EXT1: variants seen among roughly 807,000 people sequenced by gnomAD.
EXT1 encodes the protein exostosin glycosyltransferase 1, also known as exostosin-1.
In EXT1, 20 loss-of-function variants were observed where a neutral mutation model predicts 82.5. The observed-to-expected ratio is 0.24, with a 90% CI of 0.17 to 0.35. The LOEUF is 0.35. Ranked by LOEUF, EXT1 falls within the 10% of genes least tolerant of loss-of-function variation. The pLI is 1.00. For missense variants in EXT1, 757 were observed against 936.5 expected, an observed-to-expected ratio of 0.81 and a Z score of 2.50; for synonymous variants, 348 against 350.8, an observed-to-expected ratio of 0.99 and a Z score of 0.09.
chr8:117,957,683 G>A (rs1001964431), intron 1 of EXT1, among the ~76,000 whole-genome samples: 2 of 152,168 alleles, frequency 1.3e-5, no homozygotes, highest in African/African-American at 4.8e-5. Flanking sequence ...TACACACCCA[G>A]CACAATCATT....
At chr8:117,807,876 A>C (rs1823262235) in intron 8 of EXT1, among the ~76,000 whole-genome samples, 1 of 152,154 alleles carries the variant, frequency 6.6e-6, no homozygotes, top group South Asian at 2.1e-4. Context: ...TAAAAAAAAA[A>C]CACCACAAGT....
At chr8:118,098,086 G>A (rs1380446154) in intron 1 of EXT1, among the ~76,000 whole-genome samples, 1 of 152,076 alleles carries the variant, frequency 6.6e-6, no homozygotes, top group Non-Finnish European at 1.5e-5. Context: ...GCCTGCCTTA[G>A]TAACATGTGA....
intron 1 of EXT1, among the ~76,000 whole-genome samples, chr8:117,856,421 A>C (rs1812559864): frequency 2.5e-5 from 3 of 120,000 alleles, no homozygotes; most frequent in Non-Finnish European, 1.6e-5. Flanking sequence ...CGCCTGGCTA[A>C]ATTTTTTTTT....
chr8:117,960,154 T>C (rs1814671677), intron 1 of EXT1, among the ~76,000 whole-genome samples: 2 of 152,160 alleles, frequency 1.3e-5, no homozygotes, highest in Non-Finnish European at 2.9e-5. Context: ...GAGGTTGCAG[T>C]GAGCCAAGAT....
chr8:117,822,892 G>C (rs1393390545), intron 4 of EXT1, among the ~76,000 whole-genome samples: 1 of 152,114 alleles, frequency 6.6e-6, no homozygotes, highest in African/African-American at 2.4e-5. Flanking sequence ...TTCCAAAATA[G>C]ACTGTGTGGA....
intron 8 of EXT1, among the ~76,000 whole-genome samples, chr8:117,811,288 G>C (rs1225327118): frequency 6.6e-6 from 1 of 152,174 alleles, no homozygotes; most frequent in Non-Finnish European, 1.5e-5. Flanking sequence ...TTCCCTTGCA[G>C]AAAGTGGCAG....
intron 1 of EXT1, among the ~76,000 whole-genome samples, chr8:117,885,523 A>AATCT (rs2129930106): frequency 6.6e-6 from 1 of 151,708 alleles, no homozygotes; most frequent in East Asian, 1.9e-4. Flanking sequence ...GAAAGAAAGA[A>AATCT]ATCTAGAATG....
intron 1 of EXT1, among the ~76,000 whole-genome samples, chr8:117,932,386 T>C (rs1391503737): frequency 1.3e-5 from 2 of 152,284 alleles, no homozygotes; most frequent in African/African-American, 2.4e-5. Context: ...AAGACTAGTT[T>C]TGAGGAATTA....
At chr8:118,082,034 T>C (rs1219446108) in intron 1 of EXT1, among the ~76,000 whole-genome samples, 1 of 152,122 alleles carries the variant, frequency 6.6e-6, no homozygotes, top group Non-Finnish European at 1.5e-5. Context: ...ATTAACAGTA[T>C]AAAAACGATC....
chr8:117,977,041 A>G (rs61306907), intron 1 of EXT1, among the ~76,000 whole-genome samples: 3,000 of 152,190 alleles, frequency 0.02, 117 homozygotes, highest in African/African-American at 0.069. Context: ...TTACTACATA[A>G]TATGTTAAGG....
chr8:117,876,959 T>C (rs376798457), intron 1 of EXT1, among the ~76,000 whole-genome samples: 6 of 152,032 alleles, frequency 3.9e-5, no homozygotes, highest in Admixed American at 2.6e-4. Context: ...AAGGATGACA[T>C]TGAAATAAGA....
rs374950472 is a variant in EXT1 at position 117,939,757 on chromosome 8, T to C, written c.963-102556A>G. ...TCTTTCTTGTGGTGCATATCCTTTA[T>C]TCCTTTCATTATTCTGAGTTGTGCA... On this transcript the variant is annotated intron_variant, in intron 1 of 10. Coordinates refer to ENST00000378204, the MANE Select transcript of EXT1 (RefSeq NM_000127.3). 3.9e-5 allele frequency among the ~76,000 whole-genome samples: 6 copies of C among 152,350 alleles called. No individual in the cohort carries two copies. In the East Asian group the frequency reaches 5.8e-4, roughly 15 times the overall value.
In EXT1 at chr8:117,915,688, C is replaced by T. The variant is rs547698302; in HGVS notation, c.963-78487G>A. 3.9e-5 allele frequency among the ~76,000 whole-genome samples: 6 copies of T among 152,228 alleles called. No individual in the cohort carries two copies. The South Asian group carries it at 1.2e-3, about 32-fold the overall frequency. On this transcript the variant is annotated intron_variant, in intron 1 of 10. Coordinates refer to ENST00000378204, the MANE Select transcript of EXT1 (RefSeq NM_000127.3). ...TAACCAACATGGCAAAACCCTGTCT[C>T]TGCTAAAAATACAGAAAGTTAGCCG...
At position 117,811,098 on chromosome 8, in the gene EXT1, C is replaced by G. The variant is rs185779590; in HGVS notation, c.1722+1774G>C. Among the ~76,000 whole-genome samples the G allele has an allele frequency of 7.1e-4, 108 of 152,232 alleles. 1 individual carries two copies. The highest frequency in any genetic ancestry group is 2.5e-3 in the African/African-American group (105 of 41,548). ...CATTCTCTCTTATGGGGTCTTTTAA[C>G]CCCATCTACACCTCCCTAAGGAATC... On this transcript the variant is annotated intron_variant, in intron 8 of 10. Coordinates refer to ENST00000378204, the MANE Select transcript of EXT1 (RefSeq NM_000127.3).
At chr8:117,948,536 C>T (rs1044812193) in intron 1 of EXT1, among the ~76,000 whole-genome samples, 2 of 152,166 alleles carry the variant, frequency 1.3e-5, no homozygotes, top group African/African-American at 2.4e-5. Flanking sequence ...ACACATAGTA[C>T]CAGGGTTCCA....
intron 5 of EXT1, 28 bp downstream of exon 5, chr8:117,822,437 G>A (rs1563571241): frequency 6.2e-7 from 1 of 1,611,170 alleles, no homozygotes; most frequent in Non-Finnish European, 8.5e-7. Context: ...GGTAAACAAG[G>A]GCAACTCCCT....
chr8:117,848,343 G>A (rs1812398961), intron 1 of EXT1, among the ~76,000 whole-genome samples: 1 of 152,126 alleles, frequency 6.6e-6, no homozygotes, highest in Admixed American at 6.5e-5. Context: ...ATTTCCTTAG[G>A]CAGAAGTACA....
intron 4 of EXT1, among the ~76,000 whole-genome samples, chr8:117,825,624 T>C (rs1811997567): frequency 6.6e-6 from 1 of 152,222 alleles, no homozygotes; most frequent in Non-Finnish European, 1.5e-5. Context: ...GTTTTCCAAA[T>C]AATGGACAAT....
intron 1 of EXT1, among the ~76,000 whole-genome samples, chr8:118,018,999 G>A (rs941115916): frequency 7.9e-5 from 12 of 151,582 alleles, no homozygotes; most frequent in South Asian, 2.1e-4. Context: ...TGCAATCTAC[G>A]GTTCAATAAA....
Sources: allele counts gnomAD v4.1 joint callset (sites outside exome capture counted in the v4.1 genomes callset), GRCh38; gene constraint gnomAD v4.1.1; transcripts MANE v1.5; gene names NCBI Gene and HGNC (gene_info 2026-07-23, HGNC 2026-07-21).